SEMA3D: variants seen among roughly 807,000 people sequenced by gnomAD.
SEMA3D encodes semaphorin 3D.
SEMA3D carries 84 observed loss-of-function variants against 100.1 expected under a neutral mutation model. The ratio of observed to expected loss-of-function variants is 0.84; its 90% CI spans 0.70 to 1.01. The LOEUF (loss-of-function observed/expected upper bound fraction) is 1.01, where lower values mean the gene tolerates loss of function less well. Ranked by LOEUF, SEMA3D falls within the 50% of genes least tolerant of loss-of-function variation. SEMA3D has a pLI of 0.00. For missense variants in SEMA3D, 875 were observed against 934.1 expected, an observed-to-expected ratio of 0.94 and a Z score of 0.82; for synonymous variants, 312 against 320.7, an observed-to-expected ratio of 0.97 and a Z score of 0.29.
intron 3 of SEMA3D, among the ~76,000 whole-genome samples, chr7:85,107,354 C>T (rs1239525594): frequency 2.0e-5 from 3 of 152,088 alleles, no homozygotes; most frequent in Non-Finnish European, 4.4e-5. Flanking sequence ...GAATTTGCAT[C>T]AGAACTTGCA....
chr7:85,067,296 T>C (rs1038298385), intron 7 of SEMA3D, among the ~76,000 whole-genome samples: 1 of 152,170 alleles, frequency 6.6e-6, no homozygotes, highest in African/African-American at 2.4e-5. Context: ...TTGTTTTGTT[T>C]TTTTATTAAG....
At chr7:85,134,581 A>G (rs921785536) in intron 2 of SEMA3D, among the ~76,000 whole-genome samples, 1 of 151,978 alleles carries the variant, frequency 6.6e-6, no homozygotes, top group Non-Finnish European at 1.5e-5. Flanking sequence ...ATAATCTCCA[A>G]CTACCGAAAC....
intron 8 of SEMA3D, among the ~76,000 whole-genome samples, chr7:85,057,126 G>A (rs2116090171): frequency 6.6e-6 from 1 of 152,002 alleles, no homozygotes; most frequent in African/African-American, 2.4e-5. Flanking sequence ...CTGGAAAGAT[G>A]GCCATAATAT....
chr7:85,190,192 T>C (rs1393927536), upstream of SEMA3D, among the ~76,000 whole-genome samples: 3 of 152,156 alleles, frequency 2.0e-5, no homozygotes, highest in African/African-American at 7.2e-5. Flanking sequence ...AATGAAAATT[T>C]GGTGAATTTG....
intron 2 of SEMA3D, among the ~76,000 whole-genome samples, chr7:85,123,477 A>T (rs1419441367): frequency 6.6e-6 from 1 of 152,154 alleles, no homozygotes; most frequent in Non-Finnish European, 1.5e-5. Flanking sequence ...TTCTTAAGTG[A>T]GATCAGCTCT....
At chr7:85,030,451 C>G (rs1030703525) in intron 12 of SEMA3D, among the ~76,000 whole-genome samples, 1 of 144,340 alleles carries the variant, frequency 6.9e-6, no homozygotes, top group Admixed American at 6.7e-5. Flanking sequence ...TAACATTTAA[C>G]GCGGTAACAA....
At chr7:85,212,894 G>C in the SEMA3D span, among the ~76,000 whole-genome samples, 1 of 151,916 alleles carries the variant, frequency 6.6e-6, no homozygotes, top group African/African-American at 2.4e-5. Context: ...ATGCAATAAT[G>C]ACTTGTACAG....
intron 1 of SEMA3D, among the ~76,000 whole-genome samples, chr7:85,169,922 A>G (rs887022534): frequency 1.3e-5 from 2 of 151,728 alleles, no homozygotes; most frequent in Non-Finnish European, 3.0e-5. Flanking sequence ...AATTTAAATT[A>G]TTTATTTTGA....
chr7:85,028,779 G>T, intron 12 of SEMA3D: 1 of 205,402 alleles, frequency 4.9e-6, no homozygotes, highest in Non-Finnish European at 1.0e-5. Flanking sequence ...GGACCCCATA[G>T]AGAAATCCAT....
At chr7:85,095,880 T>C (rs779277846) in intron 4 of SEMA3D, among the ~76,000 whole-genome samples, 6 of 152,032 alleles carry the variant, frequency 3.9e-5, no homozygotes, top group African/African-American at 1.2e-4. Context: ...GCACATTTCA[T>C]GCATGGAACA....
intron 2 of SEMA3D, among the ~76,000 whole-genome samples, chr7:85,152,437 T>C (rs1432933992): frequency 5.9e-5 from 9 of 152,128 alleles, no homozygotes; most frequent in Non-Finnish European, 1.2e-4. Flanking sequence ...CAACACTATG[T>C]CTGATTTGTG....
intron 1 of SEMA3D, among the ~76,000 whole-genome samples, 155 bp from the exon 2 acceptor site, chr7:85,153,894 G>A (rs1421956350): frequency 6.6e-6 from 1 of 152,088 alleles, no homozygotes; most frequent in African/African-American, 2.4e-5. Flanking sequence ...TCCCACTTGT[G>A]GGAATGTCAA....
chr7:85,142,838 C>A lies in SEMA3D; in HGVS notation c.-41+10770G>T, dbSNP rs530226573. ...GGGTGATGGTTTCTCAAAATAAATA[C>A]AACCCATCTTATACTTTTTCTTTTC... On this transcript the variant is annotated intron_variant, in intron 2 of 18. Transcript: ENST00000284136. 725 of 985,024 alleles carry A rather than the reference C, an allele frequency of 7.4e-4. 4 individuals are homozygous for A. The African/African-American group carries it at 0.012, about 16-fold the overall frequency. 61.0% of individuals were successfully genotyped at this position (985,024 alleles called of 1,614,324 possible).
At chr7:85,017,856 A>G (rs371651786) in intron 15 of SEMA3D, among the ~76,000 whole-genome samples, 1 of 151,696 alleles carries the variant, frequency 6.6e-6, no homozygotes, top group African/African-American at 2.4e-5. Context: ...ATATTATGTG[A>G]TATGTGGAAG....
chr7:85,089,594 G>T (rs1488769665), intron 4 of SEMA3D, among the ~76,000 whole-genome samples: 3 of 152,082 alleles, frequency 2.0e-5, no homozygotes, highest in Non-Finnish European at 4.4e-5. Context: ...AATATGTATT[G>T]CAAGGCCGGG....
chr7:85,173,284 T>C (rs548481628), intron 1 of SEMA3D, among the ~76,000 whole-genome samples: 12 of 152,194 alleles, frequency 7.9e-5, no homozygotes, highest in African/African-American at 2.4e-4. Flanking sequence ...GAAATAAGTC[T>C]GGGAATTCAG....
the SEMA3D span, among the ~76,000 whole-genome samples, chr7:85,238,284 C>T: frequency 6.6e-6 from 1 of 152,050 alleles, no homozygotes; most frequent in African/African-American, 2.4e-5. Context: ...ATTGCCATAC[C>T]CAATGTCACC....
chr7:85,246,181 T>C, the SEMA3D span, among the ~76,000 whole-genome samples: 6 of 152,226 alleles, frequency 3.9e-5, no homozygotes, highest in Middle Eastern at 0.01. Flanking sequence ...AAGAGCCTTC[T>C]TTATGTTTAC....
At chr7:85,132,760 T>C (rs1026160964) in intron 2 of SEMA3D, among the ~76,000 whole-genome samples, 1 of 151,988 alleles carries the variant, frequency 6.6e-6, no homozygotes, top group African/African-American at 2.4e-5. Context: ...ATATATGCCT[T>C]CACATGAATT....
Sources: allele counts gnomAD v4.1 joint callset (sites outside exome capture counted in the v4.1 genomes callset), GRCh38; gene constraint gnomAD v4.1.1; transcripts MANE v1.5; gene names NCBI Gene and HGNC (gene_info 2026-07-23, HGNC 2026-07-21).